The following CALN1 variants were observed in gnomAD, a reference collection of about 807,000 sequenced individuals.
CALN1 encodes the protein calneuron 1.
Under a neutral mutation model 30.6 loss-of-function variants are expected in CALN1, and 17 were observed. The observed-to-expected ratio is 0.56, with a 90% CI of 0.38 to 0.83. The LOEUF is 0.83. Among genes scored for constraint, CALN1 ranks in the 40% least tolerant of loss-of-function variants. The probability of loss-of-function intolerance (pLI) is 0.00; values close to 1 mark genes in which losing one functional copy is unlikely to be tolerated. For synonymous variants in CALN1, 156 were observed against 131.4 expected (o/e 1.19, Z -1.28); for missense variants, 291 against 354.9 (o/e 0.82, Z 1.45).
At chr7:72,041,387 A>AT (rs927658856) in intron 4 of CALN1, among the ~76,000 whole-genome samples, 24 of 149,318 alleles carry the variant, frequency 1.6e-4, no homozygotes, top group African/African-American at 5.6e-4. Context: ...AATTTTTTTT[A>AT]TTTTTTTTAT....
chr7:72,219,523 C>A (rs1793103800), intron 3 of CALN1, among the ~76,000 whole-genome samples: 1 of 152,108 alleles, frequency 6.6e-6, no homozygotes, highest in African/African-American at 2.4e-5. Context: ...AGCCACTGTA[C>A]CTGTTAAGAT....
intron 6 of CALN1, among the ~76,000 whole-genome samples, chr7:71,792,584 A>G (rs1227928440): frequency 6.6e-6 from 1 of 152,202 alleles, no homozygotes; most frequent in Non-Finnish European, 1.5e-5. Context: ...TTATCCCATC[A>G]GTAGGCAAAT....
At chr7:72,341,380 A>C in intron 2 of CALN1, among the ~76,000 whole-genome samples, 1 of 152,128 alleles carries the variant, frequency 6.6e-6, no homozygotes. Context: ...AAAATTAGCT[A>C]GGCATGGTGG....
intron 3 of CALN1, among the ~76,000 whole-genome samples, chr7:72,183,824 C>T (rs1009065970): frequency 1.3e-5 from 2 of 151,990 alleles, no homozygotes; most frequent in Non-Finnish European, 2.9e-5. Context: ...GCCAGGATGC[C>T]GTCCTTAGCA....
intron 5 of CALN1, among the ~76,000 whole-genome samples, chr7:71,981,326 G>T (rs1335189130): frequency 1.3e-5 from 2 of 151,838 alleles, no homozygotes; most frequent in African/African-American, 2.4e-5. Flanking sequence ...TCCAGAGAGG[G>T]TCCTCCCCTA....
the CALN1 span, among the ~76,000 whole-genome samples, chr7:72,494,355 T>C: frequency 3.9e-5 from 6 of 152,338 alleles, no homozygotes; most frequent in Admixed American, 2.0e-4. Flanking sequence ...CCAGAGGACC[T>C]GCTAGCAAGC....
intron 3 of CALN1, among the ~76,000 whole-genome samples, chr7:72,154,312 G>C (rs953596911): frequency 2.6e-5 from 4 of 151,320 alleles, no homozygotes; most frequent in African/African-American, 9.7e-5. Context: ...AGCCAAACTT[G>C]AACTTGAACT....
chr7:72,034,987 A>G (rs1801704167), intron 4 of CALN1, among the ~76,000 whole-genome samples: 1 of 152,120 alleles, frequency 6.6e-6, no homozygotes, highest in Admixed American at 6.6e-5. Context: ...ATATAAAAAT[A>G]TCCAGACATG....
intron 5 of CALN1, among the ~76,000 whole-genome samples, chr7:71,834,429 C>T (rs968172483): frequency 5.5e-5 from 8 of 146,318 alleles, no homozygotes; most frequent in East Asian, 2.0e-4. Context: ...AAAAGAAATA[C>T]GTATATAGAA....
chr7:71,926,626 T>C (rs745825559), intron 5 of CALN1, among the ~76,000 whole-genome samples: 1 of 152,176 alleles, frequency 6.6e-6, no homozygotes, highest in Non-Finnish European at 1.5e-5. Flanking sequence ...ATTCCAATTG[T>C]ACAAATTTCA....
At chr7:72,431,437 C>A (rs574498860) in intron 1 of CALN1, among the ~76,000 whole-genome samples, 1 of 152,184 alleles carries the variant, frequency 6.6e-6, no homozygotes, top group South Asian at 2.1e-4. Context: ...CATGCACACA[C>A]GCATGCACAA....
chr7:72,025,331 CAATAA>C lies in CALN1; in HGVS notation c.389-1567_389-1563del, dbSNP rs1275671874. ...ATCTAAAAAAATAATAATAATAAAACAATAAAATAAAATAAAACCTTATATCCCAG... is the reference window on the plus strand; with the variant it reads ...ATCTAAAAAAATAATAATAATAAAACAATAAAATAAAACCTTATATCCCAG... On this transcript the variant is annotated intron_variant, in intron 4 of 6. Coordinates refer to ENST00000395275, the MANE Select transcript of CALN1 (RefSeq NM_031468.4). Among the ~76,000 whole-genome samples, 3 of 151,872 alleles carry C rather than the reference CAATAA, an allele frequency of 2.0e-5. No homozygotes were observed. In the East Asian group the frequency reaches 5.8e-4, roughly 29 times the overall value.
intron 2 of CALN1, among the ~76,000 whole-genome samples, chr7:72,328,243 T>C (rs1801419726): frequency 6.6e-6 from 1 of 152,176 alleles, no homozygotes; most frequent in Non-Finnish European, 1.5e-5. Context: ...CACCTTGAAT[T>C]GCAATAATAC....
intron 4 of CALN1, among the ~76,000 whole-genome samples, chr7:72,098,482 T>C (rs1806394299): frequency 6.6e-6 from 1 of 151,982 alleles, no homozygotes; most frequent in Non-Finnish European, 1.5e-5. Flanking sequence ...GGCTGGAGAA[T>C]CCCTTGAGGC....
intron 5 of CALN1, among the ~76,000 whole-genome samples, chr7:71,958,974 G>A (rs538439881): frequency 1.2e-4 from 19 of 152,284 alleles, no homozygotes; most frequent in South Asian, 4.1e-4. Flanking sequence ...TCCTTATGAC[G>A]GGAAACCTGG....
intron 2 of CALN1, among the ~76,000 whole-genome samples, chr7:72,282,279 AAAAT>A (rs1484888604): frequency 1.3e-5 from 2 of 152,246 alleles, no homozygotes; most frequent in Admixed American, 6.5e-5. Flanking sequence ...GCAACAAACA[AAAAT>A]AAATAAATAT....
At chr7:72,134,312 G>C (rs947577022) in intron 3 of CALN1, among the ~76,000 whole-genome samples, 8 of 152,254 alleles carry the variant, frequency 5.3e-5, no homozygotes, top group African/African-American at 1.9e-4. Flanking sequence ...AGTAATCCAA[G>C]GTATTTTGTT....
At chr7:72,261,087 C>T (rs976722841) in intron 3 of CALN1, among the ~76,000 whole-genome samples, 2 of 152,176 alleles carry the variant, frequency 1.3e-5, no homozygotes, top group African/African-American at 4.8e-5. Flanking sequence ...GAGGGTAGAT[C>T]ACCTGAGGTC....
intron 5 of CALN1, among the ~76,000 whole-genome samples, chr7:71,863,557 CAAAAAAAAAAAA>C (rs71531769): frequency 5.9e-4 from 19 of 32,214 alleles, no homozygotes; most frequent in African/African-American, 1.1e-3. Context: ...AACTCCATCT[CAAAAAAAAAAAA>C]AAAAAAAAAA....
Sources: gnomAD v4.1 joint callset for allele counts (sites outside exome capture counted in the v4.1 genomes callset) on GRCh38, gnomAD v4.1.1 for gene constraint, MANE v1.5 for transcripts, NCBI Gene and HGNC (gene_info 2026-07-23, HGNC 2026-07-21) for gene names.